The following ZNF519 variants were observed in gnomAD, a reference collection of about 807,000 sequenced individuals.
ZNF519 encodes the protein zinc finger protein 519, also known as similar to Zinc finger protein 85 (Zinc finger protein HPF4) (HTF1).
In ZNF519, 7 loss-of-function variants were observed where a neutral mutation model predicts 7.4. The observed-to-expected ratio is 0.94, with a 90% CI of 0.54 to 1.77. The LOEUF (loss-of-function observed/expected upper bound fraction) is 1.77. ZNF519 is among the 40% of genes most tolerant of loss of function. ZNF519 has a pLI of 0.00. For synonymous variants in ZNF519, 179 were observed against 203.3 expected (o/e 0.88, Z 1.02); for missense variants, 586 against 623.1 (o/e 0.94, Z 0.63).
chr18:14,123,218 T>TG (rs748005766), intron 2 of ZNF519: 5 of 143,636 alleles, frequency 3.5e-5, no homozygotes, highest in African/African-American at 1.4e-4. Flanking sequence ...CTTGTTTTAT[T>TG]AAAAAAAAAA....
At chr18:14,132,245 G>A (rs2046334431) in intron 1 of ZNF519, 30 bp downstream of exon 1, 5 of 1,613,396 alleles carry the variant, frequency 3.1e-6, no homozygotes, top group Non-Finnish European at 4.2e-6. Flanking sequence ...CCCCTCCCCA[G>A]TCTCGGTACG....
At chr18:14,071,703 G>A (rs909044287), downstream of ZNF519, 1 of 152,002 alleles carries the variant, frequency 6.6e-6, no homozygotes, top group Non-Finnish European at 1.5e-5. Flanking sequence ...GCAAAATGCA[G>A]GACACCAATA....
intron 2 of ZNF519, among the ~76,000 whole-genome samples, chr18:14,094,799 ATT>A (rs201599983): frequency 6.6e-6 from 1 of 150,906 alleles, no homozygotes; most frequent in Non-Finnish European, 1.5e-5. Context: ...GAGCTCACTG[ATT>A]TTTTTTTGTT....
At position 14,104,653 on chromosome 18, in the gene ZNF519, C is replaced by T. The variant is rs1940813; in HGVS notation, c.*264G>A. 3.0e-6 allele frequency: 1 copy of T among 334,526 alleles called. No homozygotes were observed. Among genetic ancestry groups the T allele is most frequent in the African/African-American group, 2.1e-5 (1 of 47,152 alleles). The allele number at this position is 334,526 out of a possible 1,614,324, so 20.7% of individuals were successfully genotyped here. The stretch of plus-strand genomic sequence containing the variant: ...ATTATGCCTCTCCATCAATGTCGTC[C>T]CTCTTTTTAAACATACAATTTAATT... On this transcript the variant is annotated 3_prime_UTR_variant, in exon 3 of 3. Coordinates refer to ENST00000590202, the MANE Select transcript of ZNF519 (RefSeq NM_145287.4).
chr18:14,108,614 T>TA lies in ZNF519; in HGVS notation c.131-2206dup, dbSNP rs34504051. On this transcript the variant is annotated intron_variant, in intron 2 of 2. Coordinates refer to ENST00000590202, the MANE Select transcript of ZNF519 (RefSeq NM_145287.4). Reference sequence around the variant, plus strand: ...AAAAGACATAGAGTGGCTAAATGGATAAAAAAAAAAAAGACTGATTTGTTG... The same window carrying TA: ...AAAAGACATAGAGTGGCTAAATGGATAAAAAAAAAAAAAGACTGATTTGTTG... 2.0e-3 allele frequency among the ~76,000 whole-genome samples: 276 copies of TA among 135,114 alleles called. 1 individual carries two copies. Among genetic ancestry groups the TA allele is most frequent in the South Asian group, 0.014 (59 of 4,268 alleles). 88.6% of individuals were successfully genotyped at this position (135,114 alleles called of 152,430 possible). A position where few individuals can be genotyped will look rare whatever the true frequency, so the allele number is the denominator to read the frequency against.
At chr18:14,080,824 A>C (rs73958128) in intron 3 of ZNF519, among the ~76,000 whole-genome samples, 10,303 of 152,262 alleles carry the variant, frequency 0.068, 666 homozygotes, top group African/African-American at 0.15. Flanking sequence ...TACATCCAGA[A>C]ATAAAATATT....
At position 14,114,468 on chromosome 18, in the gene ZNF519, G is replaced by A. The variant is rs552465870; in HGVS notation, c.131-8059C>T. On this transcript the variant is annotated intron_variant, in intron 2 of 2. Transcript: ENST00000590202. ...TATAGCTATATGGATTTATCTCTGC[G>A]TTCTCTCTACTGTTTCACTGATCAA... Among the ~76,000 whole-genome samples the A allele has an allele frequency of 1.3e-4, 20 of 152,176 alleles. No individual in the cohort carries two copies. In the East Asian group the frequency reaches 2.5e-3, roughly 19 times the overall value.
At chr18:14,088,848 T>C (rs2046102112) in intron 2 of ZNF519, among the ~76,000 whole-genome samples, 1 of 152,146 alleles carries the variant, frequency 6.6e-6, no homozygotes, top group Admixed American at 6.5e-5. Context: ...ATTGACATCA[T>C]TAATTTGAAA....
At chr18:14,123,759 A>C (rs2046281743) in intron 2 of ZNF519, among the ~76,000 whole-genome samples, 1 of 152,154 alleles carries the variant, frequency 6.6e-6, no homozygotes, top group Admixed American at 6.5e-5. Flanking sequence ...AATGAATGTA[A>C]AGGTGTGGGA....
chr18:14,108,442 A>ACT (rs951527248), intron 2 of ZNF519, among the ~76,000 whole-genome samples: 4 of 152,090 alleles, frequency 2.6e-5, no homozygotes, highest in African/African-American at 9.7e-5. Flanking sequence ...ACCCATAAAA[A>ACT]TCCTGGACTC....
intron 2 of ZNF519, among the ~76,000 whole-genome samples, chr18:14,093,170 G>A (rs143062491): frequency 2.0e-5 from 3 of 152,242 alleles, no homozygotes; most frequent in Non-Finnish European, 4.4e-5. Flanking sequence ...CAGTCTGTGC[G>A]AAAGGGCAGA....
At chr18:14,118,416 T>G (rs779927394) in intron 2 of ZNF519, among the ~76,000 whole-genome samples, 6 of 152,200 alleles carry the variant, frequency 3.9e-5, no homozygotes, top group Non-Finnish European at 7.3e-5. Context: ...ACAATAAGAA[T>G]AAATCTTTAA....
intron 2 of ZNF519, among the ~76,000 whole-genome samples, chr18:14,119,888 T>A (rs1303202327): frequency 1.3e-5 from 2 of 152,200 alleles, no homozygotes; most frequent in African/African-American, 4.8e-5. Flanking sequence ...AAAAAATTTA[T>A]ACATTAAATA....
At chr18:14,087,663 TG>T (rs2046097047) in intron 2 of ZNF519, among the ~76,000 whole-genome samples, 1 of 152,214 alleles carries the variant, frequency 6.6e-6, no homozygotes, top group African/African-American at 2.4e-5. Context: ...TTTTCTCATT[TG>T]CAACATGATC....
chr18:14,104,746 G>T lies in ZNF519; in HGVS notation c.*171C>A. The T allele has an allele frequency of 1.7e-6, 1 of 603,996 alleles. No individual in the cohort carries two copies. Among genetic ancestry groups the T allele is most frequent in the Non-Finnish European group, 2.6e-6 (1 of 388,350 alleles). 37.4% of individuals were successfully genotyped at this position (603,996 alleles called of 1,614,324 possible). The stretch of plus-strand genomic sequence containing the variant: ...TTCAGAGTAATTTACGGAAGTGCTA[G>T]CACCTTAGTTCTTTCTAAAGTGACA... On this transcript the variant is annotated 3_prime_UTR_variant, in exon 3 of 3. Transcript: ENST00000590202.
chr18:14,106,430 T>C, intron 2 of ZNF519, 21 bp from the exon 3 acceptor site: 1 of 1,538,786 alleles, frequency 6.5e-7, no homozygotes, highest in Non-Finnish European at 8.7e-7. Context: ...TAAAAATAAC[T>C]AATTATTCTA....
chr18:14,114,843 C>T lies in ZNF519; in HGVS notation c.131-8434G>A, dbSNP rs888256586. On this transcript the variant is annotated intron_variant, in intron 2 of 2. Coordinates refer to ENST00000590202, the MANE Select transcript of ZNF519 (RefSeq NM_145287.4). ...GATTAAATACTTGAAGTAATGAATA[C>T]ACCATTTACCCTGATGTGATTTTTA... Among the ~76,000 whole-genome samples the T allele has an allele frequency of 7.9e-5, 12 of 152,118 alleles. No individual in the cohort carries two copies. In the South Asian group the frequency reaches 2.5e-3, roughly 32 times the overall value.
intron 1 of ZNF519, 127 bp downstream of exon 1, chr18:14,132,148 T>C (rs2046333866): frequency 9.1e-7 from 1 of 1,101,114 alleles, no homozygotes; most frequent in Non-Finnish European, 1.4e-6. Flanking sequence ...CCGGAGTCCC[T>C]GCACCGGAGG....
At chr18:14,076,086 C>A (rs1338179517) in exon 5 of ZNF519, 1 of 152,054 alleles carries the variant, frequency 6.6e-6, no homozygotes, top group Non-Finnish European at 1.5e-5. Flanking sequence ...ACATCTAAAG[C>A]CCCCTCCTTC....
Sources: gnomAD v4.1 joint callset for allele counts (sites outside exome capture counted in the v4.1 genomes callset) on GRCh38, gnomAD v4.1.1 for gene constraint, MANE v1.5 for transcripts, NCBI Gene and HGNC (gene_info 2026-07-23, HGNC 2026-07-21) for gene names.